The following DGKB variants were observed in gnomAD, a reference collection of about 807,000 sequenced individuals.
DGKB encodes diacylglycerol kinase beta.
Under a neutral mutation model 114.3 loss-of-function variants are expected in DGKB, and 67 were observed. The observed-to-expected ratio is 0.59, with a 90% CI of 0.48 to 0.72. The LOEUF (loss-of-function observed/expected upper bound fraction) is 0.72. DGKB is among the 30% of genes least tolerant of loss of function. The pLI, the probability that DGKB is intolerant of heterozygous loss-of-function variation, is 0.00. For missense variants in DGKB, 907 were observed against 975.2 expected (o/e 0.93, Z 0.93); for synonymous variants, 398 against 323.1 (o/e 1.23, Z -2.49).
At chr7:14,447,262 G>T (rs1185454061) in intron 21 of DGKB, among the ~76,000 whole-genome samples, 1 of 152,054 alleles carries the variant, frequency 6.6e-6, no homozygotes, top group Non-Finnish European at 1.5e-5. Flanking sequence ...CTCTTTTGGG[G>T]CCCCTCTACT....
chr7:14,559,749 C>G (rs1418097162), intron 20 of DGKB, among the ~76,000 whole-genome samples: 1 of 152,190 alleles, frequency 6.6e-6, no homozygotes, highest in African/African-American at 2.4e-5. Flanking sequence ...GGATCTCAAA[C>G]ATTTGTGAAC....
At chr7:14,386,248 A>T (rs1449644170) in intron 21 of DGKB, among the ~76,000 whole-genome samples, 1 of 152,218 alleles carries the variant, frequency 6.6e-6, no homozygotes, top group Non-Finnish European at 1.5e-5. Context: ...GTTCAGCTCC[A>T]TGATAACAGC....
At chr7:14,831,826 C>T (rs1043781033) in intron 2 of DGKB, among the ~76,000 whole-genome samples, 3 of 151,962 alleles carry the variant, frequency 2.0e-5, no homozygotes, top group East Asian at 1.9e-4. Flanking sequence ...TTGCTCCTAA[C>T]GGATTTGAAG....
chr7:14,205,147 C>T (rs951558086), intron 23 of DGKB, among the ~76,000 whole-genome samples: 8 of 151,984 alleles, frequency 5.3e-5, no homozygotes, highest in Non-Finnish European at 7.4e-5. Flanking sequence ...CATACTGTCA[C>T]TGTGTATTCA....
At chr7:14,961,385 T>C (rs942677503) in intron 1 of DGKB, among the ~76,000 whole-genome samples, 1 of 152,056 alleles carries the variant, frequency 6.6e-6, no homozygotes, top group Non-Finnish European at 1.5e-5. Context: ...GCACATATAA[T>C]TTAGGATTTT....
chr7:14,607,579 G>A (rs1804753481), intron 16 of DGKB, 71 bp from the exon 17 acceptor site: 1 of 596,680 alleles, frequency 1.7e-6, no homozygotes, highest in Admixed American at 3.0e-5. Flanking sequence ...ATGTCTCTCA[G>A]TGTTATAAAA....
At chr7:14,326,984 CAT>C (rs1562943220) in intron 23 of DGKB, among the ~76,000 whole-genome samples, 1 of 152,100 alleles carries the variant, frequency 6.6e-6, no homozygotes, top group African/African-American at 2.4e-5. Context: ...AGTAAATACT[CAT>C]GTGTACTAAA....
Position 14,796,002 on chromosome 7 carries a change from CCTTAT to C in DGKB, c.71-38276_71-38272del, listed in dbSNP as rs544956661. Among the ~76,000 whole-genome samples the C allele has an allele frequency of 7.2e-5, 11 of 152,038 alleles. No homozygotes were observed. The East Asian group carries it at 1.9e-3, about 27-fold the overall frequency. On this transcript the variant is annotated intron_variant, in intron 2 of 25. Coordinates refer to ENST00000402815, the MANE Select transcript of DGKB (RefSeq NM_001350709.2). ...GATAAGACATCAGTTTGAAAATAACCCTTATCTCTAATAGGAATTAATTTTGCTCT... is the reference window on the plus strand; with the variant it reads ...GATAAGACATCAGTTTGAAAATAACCCTCTAATAGGAATTAATTTTGCTCT...
intron 2 of DGKB, among the ~76,000 whole-genome samples, chr7:14,795,614 G>A (rs552702034): frequency 3.3e-5 from 5 of 152,220 alleles, no homozygotes; most frequent in African/African-American, 1.2e-4. Context: ...ACTGCATTGA[G>A]AAGCCTAAAG....
At chr7:14,900,134 A>C (rs1304483842) in intron 1 of DGKB, among the ~76,000 whole-genome samples, 1 of 152,192 alleles carries the variant, frequency 6.6e-6, no homozygotes, top group Admixed American at 6.6e-5. Context: ...CGAACAAAGC[A>C]CATGAGAAAA....
chr7:14,802,025 A>G (rs1375017729), intron 2 of DGKB, among the ~76,000 whole-genome samples: 1 of 152,002 alleles, frequency 6.6e-6, no homozygotes, highest in Non-Finnish European at 1.5e-5. Context: ...AGAAACACAC[A>G]AATATATGCT....
intron 20 of DGKB, among the ~76,000 whole-genome samples, chr7:14,518,032 T>G (rs1351112867): frequency 6.6e-6 from 1 of 152,120 alleles, no homozygotes; most frequent in Non-Finnish European, 1.5e-5. Flanking sequence ...TACAGCACTA[T>G]TCACAATAGC....
intron 2 of DGKB, among the ~76,000 whole-genome samples, chr7:14,787,864 T>G (rs931999900): frequency 1.3e-5 from 2 of 152,220 alleles, no homozygotes; most frequent in Non-Finnish European, 2.9e-5. Flanking sequence ...CCTGCCTGCA[T>G]CCTGCAATGA....
chr7:14,332,761 C>A (rs1469689013), intron 23 of DGKB, among the ~76,000 whole-genome samples: 1 of 152,218 alleles, frequency 6.6e-6, no homozygotes, highest in East Asian at 1.9e-4. Context: ...GGAGTCCTTG[C>A]TGGGTTTTGG....
chr7:14,323,153 T>C (rs1808117324), intron 23 of DGKB, among the ~76,000 whole-genome samples: 1 of 152,142 alleles, frequency 6.6e-6, no homozygotes, highest in Non-Finnish European at 1.5e-5. Context: ...AAATTAATAC[T>C]ATAAAATAAT....
chr7:14,260,621 G>GTTAGGTTAGGAACTTTCTATCGGTATA (rs1163516745), intron 23 of DGKB, among the ~76,000 whole-genome samples: 2 of 152,124 alleles, frequency 1.3e-5, no homozygotes, highest in African/African-American at 4.8e-5. Flanking sequence ...TATTACATCA[G>GTTAGGTTAGGAACTTTCTATCGGTATA]TTAGGTTAGG....
intron 1 of DGKB, among the ~76,000 whole-genome samples, chr7:14,853,288 T>C (rs1705627383): frequency 6.6e-6 from 1 of 152,100 alleles, no homozygotes; most frequent in Non-Finnish European, 1.5e-5. Context: ...AAAATACATA[T>C]TTTGACTGTA....
chr7:14,238,984 G>C (rs1793241191), intron 23 of DGKB, among the ~76,000 whole-genome samples: 1 of 152,022 alleles, frequency 6.6e-6, no homozygotes, highest in Admixed American at 6.6e-5. Context: ...TGTTTTGTCA[G>C]CAATGGAGCA....
intron 9 of DGKB, among the ~76,000 whole-genome samples, chr7:14,687,440 T>C (rs1821911732): frequency 6.6e-6 from 1 of 152,288 alleles, no homozygotes; most frequent in African/African-American, 2.4e-5. Context: ...ATAGGCTTTG[T>C]ATTAATTTCT....
Sources: allele counts gnomAD v4.1 joint callset (sites outside exome capture counted in the v4.1 genomes callset), GRCh38; gene constraint gnomAD v4.1.1; transcripts MANE v1.5; gene names NCBI Gene and HGNC (gene_info 2026-07-23, HGNC 2026-07-21).